The following SNAP47 variants were observed in gnomAD, a reference collection of about 807,000 sequenced individuals.
SNAP47 encodes the protein synaptosome associated protein 47.
In SNAP47, 20 loss-of-function variants were observed where a neutral mutation model predicts 31.4. The ratio of observed to expected loss-of-function variants is 0.64; its 90% CI spans 0.45 to 0.93. The LOEUF is 0.93. Ranked by LOEUF, SNAP47 falls within the 40% of genes least tolerant of loss-of-function variation. The pLI is 0.00. For missense variants in SNAP47, 492 were observed against 528.5 expected, an observed-to-expected ratio of 0.93 and a Z score of 0.68; for synonymous variants, 194 against 213.4, an observed-to-expected ratio of 0.91 and a Z score of 0.79.
intron 4 of SNAP47, chr1:227,770,499 G>T (rs755456312): frequency 6.5e-4 from 101 of 154,700 alleles, no homozygotes; most frequent in Non-Finnish European, 1.2e-3. Flanking sequence ...GTCATTCTGG[G>T]GCTCCCTGCC....
intron 1 of SNAP47, among the ~76,000 whole-genome samples, chr1:227,728,946 G>C (rs375595714): frequency 3.9e-5 from 6 of 152,304 alleles, no homozygotes; most frequent in Admixed American, 1.3e-4. Context: ...CGCAGGGGAG[G>C]GGGGCGGCAG....
At chr1:227,779,942 G>A (rs542138583) in intron 4 of SNAP47, among the ~76,000 whole-genome samples, 4 of 152,172 alleles carry the variant, frequency 2.6e-5, no homozygotes, top group African/African-American at 9.6e-5. Flanking sequence ...ACACCCCCAC[G>A]GTGCTGGCTG....
chr1:227,760,781 TCC>T (rs1663008706), intron 3 of SNAP47, among the ~76,000 whole-genome samples: 1 of 152,178 alleles, frequency 6.6e-6, no homozygotes, highest in African/African-American at 2.4e-5. Flanking sequence ...TGTGCTTTCT[TCC>T]CCCACAGATG....
At position 227,741,786 on chromosome 1, in the gene SNAP47, G is replaced by A. The variant is rs1265976246; in HGVS notation, c.-45-5906G>A. Among the ~76,000 whole-genome samples the A allele has an allele frequency of 6.6e-6, 1 of 152,192 alleles. No individual in the cohort carries two copies. On this transcript the variant is annotated intron_variant, in intron 1 of 4. Coordinates refer to ENST00000617596, the MANE Select transcript of SNAP47 (RefSeq NM_053052.4). The surrounding 1 kb of genome is among the most constrained non-coding windows in gnomAD (Gnocchi z 4.2). ...GATTGGGCTGCTTCTGATGTTCCAT[G>A]GGGTGTCTTCACTTCCGTCCTTGCA...
Position 227,780,848 on chromosome 1 carries a change from C to A in SNAP47, c.*175C>A. 1 of 825,770 alleles carries A rather than the reference C, an allele frequency of 1.2e-6. No individual in the cohort carries two copies. Among genetic ancestry groups the A allele is most frequent in the Non-Finnish European group, 1.8e-6 (1 of 545,070 alleles). 51.2% of individuals were successfully genotyped at this position (825,770 alleles called of 1,614,324 possible). On this transcript the variant is annotated 3_prime_UTR_variant, in exon 5 of 5. Coordinates refer to ENST00000617596, the MANE Select transcript of SNAP47 (RefSeq NM_053052.4). ...GGGGCCTCCCCAGGTGTGCACCATG[C>A]CTGCCTCCCACTTGGCTGTCCCTGC...
intron 1 of SNAP47, among the ~76,000 whole-genome samples, chr1:227,745,222 C>A (rs1370617595): frequency 6.6e-6 from 1 of 152,122 alleles, no homozygotes; most frequent in Non-Finnish European, 1.5e-5. Context: ...TACAGAAATA[C>A]CAACGAATCA....
At chr1:227,729,375 C>T (rs1660497068) in intron 1 of SNAP47, among the ~76,000 whole-genome samples, 1 of 152,196 alleles carries the variant, frequency 6.6e-6, no homozygotes, top group African/African-American at 2.4e-5. Flanking sequence ...ACTTGGAAAC[C>T]AGGGCCTGCC....
At position 227,780,877 on chromosome 1, in the gene SNAP47, T is replaced by A; in HGVS notation, c.*204T>A. ...CCTCCCACTTGGCTGTCCCTGCTGC[T>A]GGGCAGGACCCGGCCACATGTTCTG... On this transcript the variant is annotated 3_prime_UTR_variant, in exon 5 of 5. Coordinates refer to ENST00000617596, the MANE Select transcript of SNAP47 (RefSeq NM_053052.4). The A allele has an allele frequency of 1.5e-6, 1 of 661,180 alleles. No individual in the cohort carries two copies. The highest frequency in any genetic ancestry group is 2.5e-6 in the Non-Finnish European group (1 of 395,758). The allele number at this position is 661,180 out of a possible 1,614,324, so 41.0% of individuals were successfully genotyped here.
Position 227,743,349 on chromosome 1 carries a change from C to T in SNAP47, c.-45-4343C>T, listed in dbSNP as rs188329533. On this transcript the variant is annotated intron_variant, in intron 1 of 4. Coordinates refer to ENST00000617596, the MANE Select transcript of SNAP47 (RefSeq NM_053052.4). Reference sequence around the variant, plus strand: ...AGAGCCTTCCTGGGCAGGGAGAGTGCGAGGTGCTTTGTGTTTGTTGATGTT... The same window carrying T: ...AGAGCCTTCCTGGGCAGGGAGAGTGTGAGGTGCTTTGTGTTTGTTGATGTT... 4.0e-3 allele frequency among the ~76,000 whole-genome samples: 608 copies of T among 152,238 alleles called. 7 individuals are homozygous for T. The highest frequency in any genetic ancestry group is 6.8e-3 in the Non-Finnish European group (464 of 68,006).
At chr1:227,737,979 A>G (rs1661334776) in intron 1 of SNAP47, among the ~76,000 whole-genome samples, 1 of 152,138 alleles carries the variant, frequency 6.6e-6, no homozygotes, top group African/African-American at 2.4e-5. Flanking sequence ...AGTTCCGTCC[A>G]GAGATGACTG....
At chr1:227,780,340 G>C (rs1233012867) in intron 4 of SNAP47, among the ~76,000 whole-genome samples, 187 bp from the exon 5 acceptor site, 10 of 152,236 alleles carry the variant, frequency 6.6e-5, no homozygotes, top group Non-Finnish European at 1.5e-4. Flanking sequence ...CATCAGGCCT[G>C]TACTGGCAGA....
Position 227,759,300 on chromosome 1 carries a change from T to G in SNAP47, c.803T>G (p.Ile268Ser), listed in dbSNP as rs1310899544. ...IKVHSPYEIS[I>S]RQRFIGKPDM... is the part of the protein sequence containing the mutation. ...GTCCACTCACCTTACGAAATTAGCA[T>G]CCGCCAGCGGTTTATTGGAAAGCCA... The change falls in exon 3 of 5, where the codon ATC becomes AGC. Residue 268 changes from isoleucine (I) to serine (S), a missense_variant. Transcript: ENST00000617596. The G allele has an allele frequency of 2.5e-6, 4 of 1,614,102 alleles. No homozygotes were observed. The highest frequency in any genetic ancestry group is 3.3e-5 in the Admixed American group (2 of 60,004).
chr1:227,738,017 TTTTTTTG>T (rs796612247), intron 1 of SNAP47, among the ~76,000 whole-genome samples: 16 of 151,986 alleles, frequency 1.1e-4, no homozygotes, highest in South Asian at 4.2e-4. Flanking sequence ...TTTTTTTTGG[TTTTTTTG>T]TTTTTTGTTT....
chr1:227,764,643 C>T (rs1171175708), intron 3 of SNAP47, among the ~76,000 whole-genome samples: 2 of 152,180 alleles, frequency 1.3e-5, no homozygotes, highest in Non-Finnish European at 2.9e-5. Context: ...CGGTGGCTCA[C>T]ACCTGCAATC....
chr1:227,755,578 G>T (rs1011398765), intron 2 of SNAP47, among the ~76,000 whole-genome samples: 3 of 152,108 alleles, frequency 2.0e-5, no homozygotes, highest in Admixed American at 2.0e-4. Context: ...ATAGAGACAG[G>T]GTTTTGCCAT....
intron 2 of SNAP47, among the ~76,000 whole-genome samples, chr1:227,750,979 C>T (rs766578558): frequency 5.3e-5 from 8 of 152,168 alleles, no homozygotes; most frequent in African/African-American, 1.9e-4. Context: ...CCCATGTTTG[C>T]TATGGACTCC....
At chr1:227,744,770 C>A (rs1457349157) in intron 1 of SNAP47, among the ~76,000 whole-genome samples, 1 of 152,238 alleles carries the variant, frequency 6.6e-6, no homozygotes, top group African/African-American at 2.4e-5. Flanking sequence ...CCAGGCCAAG[C>A]TAGTGCTTGT....
At chr1:227,768,412 T>G in intron 4 of SNAP47, 1 of 794,244 alleles carries the variant, frequency 1.3e-6, no homozygotes, top group Non-Finnish European at 1.5e-6. Context: ...GTAGGGAGTG[T>G]TTTGTGGATG....
At chr1:227,775,600 G>T (rs1486383038) in intron 4 of SNAP47, among the ~76,000 whole-genome samples, 1 of 152,250 alleles carries the variant, frequency 6.6e-6, no homozygotes, top group Admixed American at 6.5e-5. Flanking sequence ...GGCAGCGAAC[G>T]CACAAGGCTG....
Sources: allele counts gnomAD v4.1 joint callset (sites outside exome capture counted in the v4.1 genomes callset), GRCh38; gene constraint gnomAD v4.1.1; non-coding constraint Gnocchi (gnomAD v3.1); transcripts MANE v1.5; gene names NCBI Gene and HGNC (gene_info 2026-07-23, HGNC 2026-07-21).